The following ADGRL2 variants were observed in gnomAD, a reference collection of about 807,000 sequenced individuals.
The protein encoded by ADGRL2 is calcium-independent alpha-latrotoxin receptor 2.
In ADGRL2, 44 loss-of-function variants were observed where a neutral mutation model predicts 157.4. That is an observed-to-expected ratio of 0.28 (90% confidence interval 0.22 to 0.36). The LOEUF (loss-of-function observed/expected upper bound fraction) is 0.36. Among genes scored for constraint, ADGRL2 ranks in the 10% least tolerant of loss-of-function variants. The probability of loss-of-function intolerance (pLI) is 1.00; values close to 1 mark genes in which losing one functional copy is unlikely to be tolerated. For missense variants in ADGRL2, 1,510 were observed against 1,768.9 expected (o/e 0.85, Z 2.63); for synonymous variants, 585 against 624.7 (o/e 0.94, Z 0.95).
intron 2 of ADGRL2, among the ~76,000 whole-genome samples, chr1:81,862,666 T>A (rs940827538): frequency 6.6e-6 from 1 of 152,324 alleles, no homozygotes; most frequent in East Asian, 1.9e-4. Flanking sequence ...TGGATTTGTA[T>A]TTTATAAACT....
chr1:81,672,225 G>A (rs774813084), intron 3 of ADGRL2, among the ~76,000 whole-genome samples: 1 of 152,164 alleles, frequency 6.6e-6, no homozygotes, highest in African/African-American at 2.4e-5. Context: ...GCCAATGGAA[G>A]ACTAAATGTC....
chr1:81,572,495 G>A (rs1434422508), intron 2 of ADGRL2, among the ~76,000 whole-genome samples: 1 of 152,094 alleles, frequency 6.6e-6, no homozygotes, highest in African/African-American at 2.4e-5. Flanking sequence ...GTGTCATAAG[G>A]TACAAAGCTC....
intron 2 of ADGRL2, among the ~76,000 whole-genome samples, chr1:81,449,185 T>C (rs1311734643): frequency 6.6e-6 from 1 of 151,684 alleles, no homozygotes; most frequent in East Asian, 1.9e-4. Context: ...ATACTTTGGA[T>C]ACATAGTGCT....
chr1:81,898,684 G>A (rs2094436827), intron 2 of ADGRL2, among the ~76,000 whole-genome samples: 2 of 152,150 alleles, frequency 1.3e-5, no homozygotes, highest in Admixed American at 1.3e-4. Flanking sequence ...AATATGCAGA[G>A]ATGAGTGAAA....
chr1:81,454,853 C>A (rs2077771499), intron 2 of ADGRL2, among the ~76,000 whole-genome samples: 1 of 152,142 alleles, frequency 6.6e-6, no homozygotes. Context: ...AAGATAAGTT[C>A]CCATAATTTT....
At chr1:81,358,553 T>C (rs1481152272) in intron 1 of ADGRL2, among the ~76,000 whole-genome samples, 1 of 152,180 alleles carries the variant, frequency 6.6e-6, no homozygotes, top group East Asian at 1.9e-4. Flanking sequence ...TCTTCAGAGA[T>C]ATAGAACATA....
intron 2 of ADGRL2, among the ~76,000 whole-genome samples, chr1:81,841,914 A>G (rs2092596286): frequency 6.6e-6 from 1 of 152,218 alleles, no homozygotes; most frequent in African/African-American, 2.4e-5. Flanking sequence ...TAATAATGAT[A>G]TTCACAGAGG....
intron 2 of ADGRL2, among the ~76,000 whole-genome samples, chr1:81,867,295 G>C (rs1464983066): frequency 6.6e-6 from 1 of 152,124 alleles, no homozygotes; most frequent in Non-Finnish European, 1.5e-5. Context: ...TTGCTATACT[G>C]TTGAACAAGG....
At position 81,406,086 on chromosome 1, in the gene ADGRL2, C is replaced by A. The variant is rs1351266794; in HGVS notation, c.-301-38950C>A. ...ATACATTAAAGTATTTTGAATATTGCTCTCTTTACTGAGATCAGAACAAGA... is the reference window on the plus strand; with the variant it reads ...ATACATTAAAGTATTTTGAATATTGATCTCTTTACTGAGATCAGAACAAGA... On this transcript the variant is annotated intron_variant, in intron 1 of 24. Transcript: ENST00000370721. Among the ~76,000 whole-genome samples the A allele has an allele frequency of 2.0e-5, 3 of 152,154 alleles. No homozygotes were observed. In the East Asian group the frequency reaches 5.8e-4, roughly 29 times the overall value.
intron 2 of ADGRL2, among the ~76,000 whole-genome samples, chr1:81,481,543 C>G (rs1205240225): frequency 6.6e-6 from 1 of 152,148 alleles, no homozygotes; most frequent in Non-Finnish European, 1.5e-5. Context: ...GAGCCTTGCT[C>G]TCCCTGATTT....
chr1:81,503,126 G>A (rs752274533), intron 2 of ADGRL2: 12 of 1,613,510 alleles, frequency 7.4e-6, no homozygotes, highest in South Asian at 1.1e-5. Context: ...GAGGAGCAGC[G>A]CCTGGTGCAG....
intron 11 of ADGRL2, among the ~76,000 whole-genome samples, chr1:81,963,202 A>G (rs1656006034): frequency 6.6e-6 from 1 of 151,926 alleles, no homozygotes; most frequent in South Asian, 2.1e-4. Flanking sequence ...CACTTTTAAA[A>G]TTACATATTT....
intron 1 of ADGRL2, among the ~76,000 whole-genome samples, chr1:81,803,108 G>C (rs959396666): frequency 6.6e-6 from 1 of 152,120 alleles, no homozygotes; most frequent in Non-Finnish European, 1.5e-5. Context: ...CTGTGGGGCA[G>C]GGAGCCTCGG....
At chr1:81,588,226 T>C (rs941969664) in intron 3 of ADGRL2, 10 of 152,170 alleles carry the variant, frequency 6.6e-5, no homozygotes, top group African/African-American at 2.2e-4. Flanking sequence ...CTCAGGTAAG[T>C]TAGCTTGGTT....
At chr1:81,334,532 G>A (rs950370430) in intron 1 of ADGRL2, among the ~76,000 whole-genome samples, 1 of 152,128 alleles carries the variant, frequency 6.6e-6, no homozygotes, top group South Asian at 2.1e-4. Context: ...CAATTTTACA[G>A]TTATGATTTT....
At chr1:81,805,136 A>C (rs908210949) in intron 1 of ADGRL2, among the ~76,000 whole-genome samples, 4 of 152,130 alleles carry the variant, frequency 2.6e-5, no homozygotes, top group Non-Finnish European at 5.9e-5. Flanking sequence ...TATTTTAAAA[A>C]ATATAGTTTA....
intron 1 of ADGRL2, among the ~76,000 whole-genome samples, chr1:81,411,678 G>A (rs967722701): frequency 3.9e-5 from 6 of 152,004 alleles, no homozygotes; most frequent in African/African-American, 1.4e-4. Flanking sequence ...GGATCACAAG[G>A]TCAGGAGATC....
At chr1:81,807,523 C>A (rs1026146632) in intron 1 of ADGRL2, among the ~76,000 whole-genome samples, 1 of 151,824 alleles carries the variant, frequency 6.6e-6, no homozygotes, top group East Asian at 1.9e-4. Context: ...AAAGATTGGC[C>A]AGGTAGTGAT....
At position 81,986,984 on chromosome 1, in the gene ADGRL2, A is replaced by G. The variant is rs1260429946; in HGVS notation, c.3592A>G (p.Thr1198Ala). The G allele has an allele frequency of 6.2e-7, 1 of 1,611,666 alleles. No homozygotes were observed. The highest frequency in any genetic ancestry group is 8.5e-7 in the Non-Finnish European group (1 of 1,179,290). The change falls in exon 22 of 24, where the codon ACA (threonine) becomes GCA (alanine). Residue 1198 changes from threonine (T) to alanine (A), a missense_variant. By Grantham distance (58) the Thr-to-Ala change is moderately conservative (BLOSUM62 0). This residue lies in a region of ADGRL2 where 497 missense variants were observed against 627.2 expected (regional missense o/e 0.79). Transcript: ENST00000686636. ...CCCCTATAACACATTGCTCGCTGAA[A>G]CAGTTGTATGTAATGCCCCTTCAGC... ...NNPYNTLLAE[T>A]VVCNAPSAPV... is the part of the protein sequence containing the mutation.
Sources: gnomAD v4.1 joint callset for allele counts (sites outside exome capture counted in the v4.1 genomes callset) on GRCh38, gnomAD v4.1.1 for gene constraint, gnomAD v4.1.1 regional missense constraint, MANE v1.5 for transcripts, NCBI Gene and HGNC (gene_info 2026-07-23, HGNC 2026-07-21) for gene names.